FOXP1: variants seen among roughly 807,000 people sequenced by gnomAD.
FOXP1 encodes forkhead box protein P1.
Under a neutral mutation model 98.2 loss-of-function variants are expected in FOXP1, and 15 were observed. That is an observed-to-expected ratio of 0.15 (90% CI 0.10 to 0.24). FOXP1 has a LOEUF of 0.24. FOXP1 is among the 10% of genes least tolerant of loss of function. The pLI is 1.00. For synonymous variants in FOXP1, 371 were observed against 314.5 expected, an observed-to-expected ratio of 1.18 and a Z score of -1.90; for missense variants, 633 against 848.5, an observed-to-expected ratio of 0.75 and a Z score of 3.15.
intron 6 of FOXP1, among the ~76,000 whole-genome samples, chr3:71,151,074 C>CA (rs1447257380): frequency 6.6e-6 from 1 of 152,202 alleles, no homozygotes; most frequent in Non-Finnish European, 1.5e-5. Flanking sequence ...GCACCTACCA[C>CA]ACCTGTGCAA....
intron 5 of FOXP1, among the ~76,000 whole-genome samples, chr3:71,244,544 G>GCCC (rs2067564447): frequency 2.6e-5 from 4 of 151,430 alleles, no homozygotes; most frequent in Admixed American, 1.3e-4. Context: ...AAAGAAATAC[G>GCCC]CCCAAGTAGA....
At chr3:71,583,429 T>C (rs560287529) in intron 1 of FOXP1, 142 bp downstream of exon 1, 1 of 969,208 alleles carries the variant, frequency 1.0e-6, no homozygotes, top group African/African-American at 1.8e-5. Context: ...AGTAGTTGTT[T>C]TTTTTTTTCC....
intron 4 of FOXP1, chr3:71,305,981 C>G (rs1164684081): frequency 6.6e-6 from 1 of 152,580 alleles, no homozygotes; most frequent in Admixed American, 6.5e-5. Context: ...CGCTTGGAAG[C>G]CTGCTGGCTC....
chr3:71,324,924 C>A (rs2075596750), intron 4 of FOXP1, among the ~76,000 whole-genome samples: 1 of 152,192 alleles, frequency 6.6e-6, no homozygotes, highest in South Asian at 2.1e-4. Flanking sequence ...AGGCCATGCC[C>A]CAGCTAAGGG....
At position 70,977,695 on chromosome 3, in the gene FOXP1, T is replaced by A; in HGVS notation, c.1376A>T (p.Tyr459Phe). ...SADIAQNQEF[Y>F]KNAEVRPPFT... ...TGGTGGTCTAACTTCTGCGTTCTTA[T>A]AAAATTCTTGGTTCTGCGCAATATC... is the stretch of plus-strand genomic sequence containing the variant. Residue 459 changes from tyrosine to phenylalanine, a missense_variant, in exon 16 of 21, where the codon TAT becomes TTT. This residue lies in a region of FOXP1 where 141 missense variants were observed against 199.5 expected (regional missense o/e 0.71). Coordinates refer to ENST00000649528, the MANE Select transcript of FOXP1 (RefSeq NM_001349338.3). The A allele has an allele frequency of 1.2e-6, 2 of 1,614,208 alleles. No individual in the cohort carries two copies. The highest frequency in any genetic ancestry group is 1.7e-6 in the Non-Finnish European group (2 of 1,180,004).
chr3:71,097,434 T>C (rs1414727158), intron 7 of FOXP1, among the ~76,000 whole-genome samples: 1 of 152,196 alleles, frequency 6.6e-6, no homozygotes, highest in African/African-American at 2.4e-5. Flanking sequence ...ATTCACTATC[T>C]GGCTCTTTAC....
chr3:71,558,649 C>A (rs1428134822), intron 2 of FOXP1, among the ~76,000 whole-genome samples: 1 of 151,766 alleles, frequency 6.6e-6, no homozygotes, highest in Admixed American at 6.6e-5. Flanking sequence ...CATGGGCCAC[C>A]ACGCCCAGCT....
At chr3:71,112,113 TGGGTGGGG>T (rs1434954577) in intron 7 of FOXP1, among the ~76,000 whole-genome samples, 2 of 936 alleles carry the variant, frequency 2.1e-3, no homozygotes, top group Admixed American at 0.014. Flanking sequence ...CTCCTGGTGG[TGGGTGGGG>T]GGGTGGGGGG....
intron 3 of FOXP1, 62 bp downstream of exon 3, chr3:71,493,364 C>G (rs1469615011): frequency 6.6e-6 from 1 of 152,196 alleles, no homozygotes; most frequent in African/African-American, 2.4e-5. Flanking sequence ...GGGCAACTGT[C>G]TTGAAGGACT....
intron 7 of FOXP1, among the ~76,000 whole-genome samples, chr3:71,100,001 A>G (rs892199416): frequency 6.6e-6 from 1 of 152,260 alleles, no homozygotes; most frequent in Non-Finnish European, 1.5e-5. Context: ...TAATACTTCA[A>G]TAGTTACCAC....
chr3:71,007,771 T>C (rs2042989856), intron 12 of FOXP1, among the ~76,000 whole-genome samples: 4 of 152,204 alleles, frequency 2.6e-5, no homozygotes, highest in Admixed American at 2.6e-4. Context: ...CTTCACAGTT[T>C]TGAAAAGTAA....
At chr3:71,017,801 AACTG>A (rs898090641) in intron 11 of FOXP1, among the ~76,000 whole-genome samples, 2 of 152,220 alleles carry the variant, frequency 1.3e-5, no homozygotes, top group Admixed American at 1.3e-4. Flanking sequence ...ATATTATCAC[AACTG>A]ACTGCTACCA....
chr3:71,344,670 G>T (rs2077215490), intron 4 of FOXP1, among the ~76,000 whole-genome samples: 3 of 151,900 alleles, frequency 2.0e-5, no homozygotes, highest in Admixed American at 2.0e-4. Flanking sequence ...AACCCCCTGT[G>T]CACTAAAAAT....
At chr3:71,124,921 T>G (rs980845708) in intron 6 of FOXP1, among the ~76,000 whole-genome samples, 3 of 152,206 alleles carry the variant, frequency 2.0e-5, no homozygotes, top group Non-Finnish European at 4.4e-5. Context: ...CAGCATCCTC[T>G]CTTGAACCCA....
At chr3:71,029,637 C>A (rs542927507) in intron 11 of FOXP1, among the ~76,000 whole-genome samples, 1 of 152,142 alleles carries the variant, frequency 6.6e-6, no homozygotes, top group South Asian at 2.1e-4. Context: ...GTGATCCACC[C>A]GCCTCGGCCT....
chr3:71,504,019 C>T (rs753551140), intron 2 of FOXP1, among the ~76,000 whole-genome samples: 5 of 152,104 alleles, frequency 3.3e-5, no homozygotes, highest in Non-Finnish European at 7.4e-5. Flanking sequence ...ATCACAAATT[C>T]CCAGGAAGAT....
At chr3:71,104,302 G>A (rs1375927835) in intron 7 of FOXP1, among the ~76,000 whole-genome samples, 1 of 152,150 alleles carries the variant, frequency 6.6e-6, no homozygotes, top group Non-Finnish European at 1.5e-5. Context: ...ACTGCCATGG[G>A]AAACCAAGAA....
chr3:71,049,117 G>A (rs1194321590), intron 9 of FOXP1, among the ~76,000 whole-genome samples: 2 of 152,084 alleles, frequency 1.3e-5, no homozygotes, highest in Admixed American at 6.5e-5. Flanking sequence ...AAAGGTCTCC[G>A]TGCAGTCCCC....
chr3:71,561,495 T>A lies in FOXP1; in HGVS notation c.-298+20054A>T, dbSNP rs1426270810. ...CCCGTTGTGATTACAGTATTTTAGA[T>A]GAAATAGGAAAAGATCGAACTATGT... On this transcript the variant is annotated intron_variant, in intron 2 of 20. Coordinates refer to ENST00000649528, the MANE Select transcript of FOXP1 (RefSeq NM_001349338.3). Among the ~76,000 whole-genome samples the A allele has an allele frequency of 2.6e-5, 4 of 151,636 alleles. No homozygotes were observed. In the East Asian group the frequency reaches 5.8e-4, roughly 22 times the overall value.
Sources: gnomAD v4.1 joint callset for allele counts (sites outside exome capture counted in the v4.1 genomes callset) on GRCh38, gnomAD v4.1.1 for gene constraint, gnomAD v4.1.1 regional missense constraint, MANE v1.5 for transcripts, NCBI Gene and HGNC (gene_info 2026-07-23, HGNC 2026-07-21) for gene names.